FHIT: variants seen among roughly 807,000 people sequenced by gnomAD.
FHIT encodes fragile histidine triad diadenosine triphosphatase, also known as bis(5'-adenosyl)-triphosphatase.
A neutral mutation model predicts 17.9 loss-of-function variants in FHIT; 19 were observed. The observed-to-expected ratio is 1.06, with a 90% CI of 0.74 to 1.56. The LOEUF (loss-of-function observed/expected upper bound fraction) is 1.56. FHIT is among the 40% of genes most tolerant of loss of function. FHIT has a pLI of 0.00. For missense variants in FHIT, 248 were observed against 189.2 expected (o/e 1.31, Z -1.82); for synonymous variants, 81 against 69.7 (o/e 1.16, Z -0.81).
intron 3 of FHIT, among the ~76,000 whole-genome samples, chr3:60,906,725 T>G (rs1706446350): frequency 6.6e-6 from 1 of 152,214 alleles, no homozygotes; most frequent in African/African-American, 2.4e-5. Flanking sequence ...CTAAGTATAG[T>G]TATATCATTT....
At chr3:60,933,038 C>G (rs1708041161) in intron 3 of FHIT, among the ~76,000 whole-genome samples, 1 of 152,066 alleles carries the variant, frequency 6.6e-6, no homozygotes, top group Non-Finnish European at 1.5e-5. Flanking sequence ...TGGTAGTTAT[C>G]TAAGAGGACT....
chr3:60,508,138 G>T (rs182998985), intron 5 of FHIT, among the ~76,000 whole-genome samples: 46 of 152,312 alleles, frequency 3.0e-4, no homozygotes, highest in African/African-American at 1.0e-3. Context: ...TAAATAAGCT[G>T]AGTGAGGAAT....
chr3:60,860,285 GTATACATGAGAT>G (rs1703629677), intron 3 of FHIT, among the ~76,000 whole-genome samples: 1 of 136,086 alleles, frequency 7.3e-6, no homozygotes, highest in African/African-American at 2.6e-5. Flanking sequence ...TACATCATAT[GTATACATGAGAT>G]ACATCATATG....
At chr3:60,865,996 CGGGG>C (rs1350143109) in intron 3 of FHIT, among the ~76,000 whole-genome samples, 1 of 151,944 alleles carries the variant, frequency 6.6e-6, no homozygotes, top group Non-Finnish European at 1.5e-5. Flanking sequence ...AGAAGTGACT[CGGGG>C]AAGCATTCAA....
intron 8 of FHIT, among the ~76,000 whole-genome samples, chr3:59,818,292 T>A (rs773654504): frequency 1.1e-4 from 16 of 152,018 alleles, no homozygotes; most frequent in Non-Finnish European, 1.6e-4. Flanking sequence ...GACCCACAGC[T>A]TGTTCAGCCT....
intron 5 of FHIT, among the ~76,000 whole-genome samples, chr3:60,287,446 G>A (rs1211253201): frequency 6.6e-6 from 1 of 152,194 alleles, no homozygotes; most frequent in African/African-American, 2.4e-5. Flanking sequence ...TGGGATTACA[G>A]GCATGAGCCA....
At chr3:61,000,771 A>G (rs1414388719) in intron 3 of FHIT, among the ~76,000 whole-genome samples, 2 of 152,310 alleles carry the variant, frequency 1.3e-5, no homozygotes, top group East Asian at 1.9e-4. Flanking sequence ...CAAAACAGCA[A>G]CAGGGAGAGC....
intron 5 of FHIT, among the ~76,000 whole-genome samples, chr3:60,226,199 G>A (rs1039652089): frequency 7.9e-5 from 12 of 152,190 alleles, no homozygotes; most frequent in Admixed American, 3.3e-4. Context: ...TTGGCTGGGC[G>A]CAGTGGCTCA....
At chr3:60,307,100 TA>T (rs1011728008) in intron 5 of FHIT, among the ~76,000 whole-genome samples, 4 of 152,048 alleles carry the variant, frequency 2.6e-5, no homozygotes, top group Non-Finnish European at 5.9e-5. Flanking sequence ...ACTGAGAACA[TA>T]AAATTATGGA....
intron 3 of FHIT, among the ~76,000 whole-genome samples, chr3:60,902,661 C>T (rs1444533283): frequency 2.0e-5 from 3 of 152,192 alleles, no homozygotes; most frequent in Non-Finnish European, 2.9e-5. Flanking sequence ...TGCACCACCA[C>T]AAGGGAGCCC....
At chr3:60,113,079 T>C (rs1378025198) in intron 5 of FHIT, among the ~76,000 whole-genome samples, 4 of 152,152 alleles carry the variant, frequency 2.6e-5, no homozygotes, top group African/African-American at 9.6e-5. Context: ...AGTAGCCTCT[T>C]CTCCTGACCC....
intron 5 of FHIT, among the ~76,000 whole-genome samples, chr3:60,217,801 T>C (rs1198246550): frequency 1.3e-5 from 2 of 152,184 alleles, no homozygotes; most frequent in South Asian, 2.1e-4. Context: ...CTGCCCATGG[T>C]TCAGATCTCA....
At chr3:59,756,946 T>C (rs145047303) in intron 8 of FHIT, among the ~76,000 whole-genome samples, 5 of 152,332 alleles carry the variant, frequency 3.3e-5, no homozygotes, top group Admixed American at 3.3e-4. Flanking sequence ...TGTGTCATAG[T>C]TTAATTGGCA....
At chr3:61,034,189 T>C (rs1042403657) in intron 3 of FHIT, among the ~76,000 whole-genome samples, 11 of 152,160 alleles carry the variant, frequency 7.2e-5, no homozygotes, top group East Asian at 1.9e-4. Context: ...GGTAAAATCA[T>C]TACCCTCACA....
chr3:60,515,625 C>G (rs554937927), intron 5 of FHIT, among the ~76,000 whole-genome samples: 1 of 150,394 alleles, frequency 6.6e-6, no homozygotes, highest in African/African-American at 2.4e-5. Context: ...TTTAAGAAAA[C>G]TTGTAGAACA....
At chr3:59,782,744 A>G (rs1702651619) in intron 8 of FHIT, among the ~76,000 whole-genome samples, 1 of 152,238 alleles carries the variant, frequency 6.6e-6, no homozygotes. Flanking sequence ...TCTCACAAAC[A>G]GACTCCAAGC....
chr3:60,964,529 A>C (rs559598621), intron 3 of FHIT, among the ~76,000 whole-genome samples: 1 of 152,138 alleles, frequency 6.6e-6, no homozygotes, highest in Non-Finnish European at 1.5e-5. Flanking sequence ...TCCTAGCATC[A>C]ATGGTGTTTA....
At chr3:60,553,381 C>A in intron 4 of FHIT, 13 of 979,976 alleles carry the variant, frequency 1.3e-5, no homozygotes, top group Non-Finnish European at 1.6e-5. Flanking sequence ...TCAGCAACCC[C>A]CTTCTTCCAC....
chr3:59,992,261 G>A (rs942586740), intron 7 of FHIT, among the ~76,000 whole-genome samples: 18 of 151,866 alleles, frequency 1.2e-4, no homozygotes, highest in African/African-American at 3.9e-4. Context: ...TCAAGCTCCC[G>A]CAGGTTTAAG....
Sources: gnomAD v4.1 joint callset for allele counts (sites outside exome capture counted in the v4.1 genomes callset) on GRCh38, gnomAD v4.1.1 for gene constraint, MANE v1.5 for transcripts, NCBI Gene and HGNC (gene_info 2026-07-23, HGNC 2026-07-21) for gene names.